The following CCDC102B variants were observed in gnomAD, a reference collection of about 807,000 sequenced individuals.
CCDC102B encodes the protein coiled-coil domain-containing protein 102B.
A neutral mutation model predicts 57.4 loss-of-function variants in CCDC102B; 75 were observed. The observed-to-expected ratio is 1.31, with a 90% CI of 1.08 to 1.58. CCDC102B has a LOEUF of 1.58. Among genes scored for constraint, CCDC102B ranks in the 40% most tolerant of loss-of-function variants. The pLI, the probability that CCDC102B is intolerant of heterozygous loss-of-function variation, is 0.00. For synonymous variants in CCDC102B, 206 were observed against 201.9 expected (o/e 1.02, Z -0.17); for missense variants, 636 against 582.6 (o/e 1.09, Z -0.94).
At chr18:68,998,347 A>G (rs2051089249) in intron 6 of CCDC102B, among the ~76,000 whole-genome samples, 1 of 149,576 alleles carries the variant, frequency 6.7e-6, no homozygotes, top group African/African-American at 2.4e-5. Context: ...ATCTACATAC[A>G]CACATGTATA....
chr18:68,931,878 G>A (rs1281472186), intron 6 of CCDC102B, among the ~76,000 whole-genome samples: 1 of 151,900 alleles, frequency 6.6e-6, no homozygotes, highest in Non-Finnish European at 1.5e-5. Context: ...TGTGTGTCTA[G>A]GAACAAGAGG....
intron 4 of CCDC102B, among the ~76,000 whole-genome samples, chr18:68,854,091 GT>G (rs10604645): frequency 0.29 from 42,682 of 148,218 alleles, 5,899 homozygotes; most frequent in South Asian, 0.38. Flanking sequence ...ACTTTTTCTT[GT>G]TTTTTTTTTT....
intron 6 of CCDC102B, among the ~76,000 whole-genome samples, chr18:68,922,183 A>T (rs2041305054): frequency 6.6e-6 from 1 of 152,164 alleles, no homozygotes; most frequent in Non-Finnish European, 1.5e-5. Context: ...CTTATGGCTC[A>T]TATGCACTGC....
At chr18:68,813,792 A>ATATATATATATC (rs1396012169) in intron 1 of CCDC102B, among the ~76,000 whole-genome samples, 13 of 149,960 alleles carry the variant, frequency 8.7e-5, no homozygotes, top group African/African-American at 2.9e-4. Flanking sequence ...ATATATATAT[A>ATATATATATATC]TCTTTAGTTT....
chr18:69,037,497 A>G (rs930661611), intron 7 of CCDC102B, among the ~76,000 whole-genome samples: 1 of 152,020 alleles, frequency 6.6e-6, no homozygotes, highest in Non-Finnish European at 1.5e-5. Flanking sequence ...GTGTGTTCCA[A>G]GGACAAGCAG....
chr18:68,956,619 A>AATAT (rs1555733311), intron 6 of CCDC102B, among the ~76,000 whole-genome samples: 3 of 58,668 alleles, frequency 5.1e-5, no homozygotes, highest in Non-Finnish European at 7.7e-5. Context: ...TAAAATATAT[A>AATAT]ATATATATAT....
intron 6 of CCDC102B, among the ~76,000 whole-genome samples, chr18:68,963,189 T>G (rs1156294094): frequency 6.6e-6 from 1 of 151,822 alleles, no homozygotes; most frequent in Non-Finnish European, 1.5e-5. Flanking sequence ...GGAGAATATG[T>G]TTACTTTACA....
Position 68,848,699 on chromosome 18 carries a change from A to G in CCDC102B, c.936+2278A>G, listed in dbSNP as rs59343615. Among the ~76,000 whole-genome samples the G allele has an allele frequency of 8.1e-3, 1,229 of 152,168 alleles. 17 individuals carry two copies. The highest frequency in any genetic ancestry group is 0.028 in the African/African-American group (1,172 of 41,536). On this transcript the variant is annotated intron_variant, in intron 4 of 7. Transcript: ENST00000360242. ...TTCCTTTGCAAGTCTGTCTATATTG[A>G]TTCAGAATTAAATTATGAATTCTGA... is the stretch of plus-strand genomic sequence containing the variant.
chr18:68,732,265 CTGTT>C (rs375006740), intron 2 of CCDC102B, among the ~76,000 whole-genome samples: 164 of 151,480 alleles, frequency 1.1e-3, no homozygotes, highest in South Asian at 4.6e-3. Flanking sequence ...ATACCATAAA[CTGTT>C]TGGTTAATAA....
At chr18:68,747,782 G>T (rs1156855303) in intron 2 of CCDC102B, among the ~76,000 whole-genome samples, 1 of 152,136 alleles carries the variant, frequency 6.6e-6, no homozygotes, top group Non-Finnish European at 1.5e-5. Flanking sequence ...ATGGACATTA[G>T]GTTGTTGGGT....
intron 2 of CCDC102B, among the ~76,000 whole-genome samples, chr18:68,785,039 C>T (rs1050120012): frequency 2.9e-5 from 4 of 140,266 alleles, no homozygotes; most frequent in Non-Finnish European, 1.5e-5. Flanking sequence ...CATGTGATTT[C>T]ATTGTTCAAT....
chr18:68,828,037 A>G (rs1394916783), intron 1 of CCDC102B, among the ~76,000 whole-genome samples: 2 of 151,902 alleles, frequency 1.3e-5, no homozygotes, highest in African/African-American at 2.4e-5. Context: ...ATGATCCTAT[A>G]TGAGTATTAG....
At chr18:68,849,305 T>C (rs1369623453) in intron 4 of CCDC102B, among the ~76,000 whole-genome samples, 1 of 152,120 alleles carries the variant, frequency 6.6e-6, no homozygotes. Context: ...AATAGGTGTA[T>C]GGTGGAATAT....
At chr18:68,816,459 C>CT (rs869077830) in intron 1 of CCDC102B, among the ~76,000 whole-genome samples, 2,171 of 100,458 alleles carry the variant, frequency 0.022, 43 homozygotes, top group African/African-American at 0.029. Context: ...TATTTCCTTT[C>CT]TTTTTTTTTT....
chr18:68,917,167 C>G (rs184881010), intron 6 of CCDC102B, among the ~76,000 whole-genome samples: 212 of 148,066 alleles, frequency 1.4e-3, no homozygotes, highest in Non-Finnish European at 2.4e-3. Context: ...TCTTGAAAAC[C>G]AGCATTTTTT....
rs141658068 is a variant in CCDC102B at position 68,725,635 on chromosome 18, C to G, written c.-67+9041C>G. Among the ~76,000 whole-genome samples the G allele has an allele frequency of 8.3e-4, 126 of 152,340 alleles. 1 individual carries two copies. In the East Asian group the frequency reaches 0.015, roughly 19 times the overall value. On this transcript the variant is annotated intron_variant, in intron 2 of 3. Coordinates refer to the CCDC102B transcript ENST00000578970. ...CAAGTCTTTCTCCTGCTTCAAATCTCTTCAACTTTCCTTTCTGCTGCAACT... is the reference window on the plus strand; with the variant it reads ...CAAGTCTTTCTCCTGCTTCAAATCTGTTCAACTTTCCTTTCTGCTGCAACT...
chr18:68,839,314 G>T (rs976296558), intron 3 of CCDC102B, among the ~76,000 whole-genome samples: 16 of 152,136 alleles, frequency 1.1e-4, no homozygotes, highest in African/African-American at 3.9e-4. Flanking sequence ...TCACAATTTT[G>T]TGAGATATTT....
At chr18:68,917,274 C>A (rs538636711) in intron 6 of CCDC102B, among the ~76,000 whole-genome samples, 1 of 152,102 alleles carries the variant, frequency 6.6e-6, no homozygotes, top group Admixed American at 6.5e-5. Context: ...TCTGGGGCTC[C>A]CCGGTCTGTG....
chr18:68,905,818 G>A, intron 6 of CCDC102B, among the ~76,000 whole-genome samples: 1 of 101,988 alleles, frequency 9.8e-6, no homozygotes. Context: ...TTTTGAGACA[G>A]AGTCTAGCTC....
Sources: allele counts gnomAD v4.1 joint callset (sites outside exome capture counted in the v4.1 genomes callset), GRCh38; gene constraint gnomAD v4.1.1; transcripts MANE v1.5; gene names NCBI Gene and HGNC (gene_info 2026-07-23, HGNC 2026-07-21).